The following COP1 variants were observed in gnomAD, a reference collection of about 807,000 sequenced individuals.
COP1 encodes the protein COP1 E3 ubiquitin ligase.
A neutral mutation model predicts 101.3 loss-of-function variants in COP1; 24 were observed. That is an observed-to-expected ratio of 0.24 (90% CI 0.17 to 0.33). The LOEUF (loss-of-function observed/expected upper bound fraction) is 0.33, where lower values mean the gene tolerates loss of function less well. Among genes scored for constraint, COP1 ranks in the 10% least tolerant of loss-of-function variants. The pLI is 1.00. For missense variants in COP1, 663 were observed against 906.2 expected, an observed-to-expected ratio of 0.73 and a Z score of 3.45; for synonymous variants, 347 against 341.9, an observed-to-expected ratio of 1.01 and a Z score of -0.17.
intron 9 of COP1, among the ~76,000 whole-genome samples, chr1:176,100,792 G>A (rs1035308976): frequency 1.3e-5 from 2 of 152,122 alleles, no homozygotes; most frequent in African/African-American, 4.8e-5. Context: ...TTTCTCCCTT[G>A]TTGGAGCAGG....
intron 18 of COP1, among the ~76,000 whole-genome samples, chr1:175,947,525 C>T (rs2148476641): frequency 6.6e-6 from 1 of 152,128 alleles, no homozygotes; most frequent in South Asian, 2.1e-4. Flanking sequence ...CATGCGCCAC[C>T]AGCCCAGGTA....
chr1:175,960,916 T>C (rs1296027544), intron 18 of COP1, among the ~76,000 whole-genome samples: 1 of 152,184 alleles, frequency 6.6e-6, no homozygotes, highest in Non-Finnish European at 1.5e-5. Flanking sequence ...GTGAGTCGGT[T>C]GACTGAGTGG....
intron 1 of COP1, among the ~76,000 whole-genome samples, chr1:176,206,125 A>AC (rs1269488174): frequency 1.3e-5 from 2 of 151,918 alleles, no homozygotes; most frequent in Non-Finnish European, 2.9e-5. Context: ...GACCAACTCC[A>AC]CCCCTCTGCA....
chr1:175,952,605 ACT>A (rs1263427208), intron 18 of COP1, among the ~76,000 whole-genome samples: 1 of 151,540 alleles, frequency 6.6e-6, no homozygotes, highest in African/African-American at 2.4e-5. Flanking sequence ...CTACATGAAA[ACT>A]CTGATCTAAA....
chr1:176,186,149 C>G (rs919391914), intron 1 of COP1, among the ~76,000 whole-genome samples: 1 of 152,038 alleles, frequency 6.6e-6, no homozygotes, highest in African/African-American at 2.4e-5. Context: ...ACCAACCAAT[C>G]AATTCACTGA....
chr1:176,087,956 C>T (rs954899172), intron 9 of COP1, among the ~76,000 whole-genome samples: 10 of 152,020 alleles, frequency 6.6e-5, no homozygotes, highest in Non-Finnish European at 1.0e-4. Flanking sequence ...TCCTTTGTAG[C>T]GACATGGATG....
intron 11 of COP1, among the ~76,000 whole-genome samples, chr1:176,050,348 T>C (rs1331180136): frequency 1.3e-5 from 2 of 152,214 alleles, no homozygotes; most frequent in East Asian, 3.8e-4. Context: ...CACAAAGCAA[T>C]GAAAGCCGTC....
In COP1 at chr1:176,116,660, T is replaced by C. The variant is rs780918124; in HGVS notation, c.990A>G (p.Glu330=). 6.2e-7 allele frequency: 1 copy of C among 1,611,870 alleles called. No individual in the cohort carries two copies. Among genetic ancestry groups the C allele is most frequent in the South Asian group, 1.1e-5 (1 of 90,762 alleles). The stretch of plus-strand genomic sequence containing the variant: ...CACTGAAACCTGGAGGTTGGCTGTA[T>C]TCTGTGGAATCAATAATACTACTGC... ...PSHSSIIDST[E]YSQPPGFSGS... Residue 330 remains glutamate (E), a synonymous_variant, in exon 9 of 20, where the codon GAA becomes GAG. Coordinates refer to ENST00000367669, the MANE Select transcript of COP1 (RefSeq NM_022457.7).
chr1:175,995,440 A>C (rs1659888887), intron 15 of COP1, among the ~76,000 whole-genome samples: 1 of 152,230 alleles, frequency 6.6e-6, no homozygotes, highest in Admixed American at 6.5e-5. Context: ...CCCTTCAAAA[A>C]AATTAATGAA....
At chr1:175,999,896 T>C (rs1661183198) in intron 15 of COP1, among the ~76,000 whole-genome samples, 1 of 152,152 alleles carries the variant, frequency 6.6e-6, no homozygotes, top group Admixed American at 6.6e-5. Flanking sequence ...GTTTGCCATT[T>C]ATATGTCTTC....
At chr1:176,095,763 TAA>T (rs1455501005) in intron 9 of COP1, among the ~76,000 whole-genome samples, 2 of 152,018 alleles carry the variant, frequency 1.3e-5, no homozygotes, top group Non-Finnish European at 2.9e-5. Context: ...AAGATCAGTA[TAA>T]GACTGCTGGT....
intron 8 of COP1, among the ~76,000 whole-genome samples, chr1:176,133,666 G>A (rs549651431): frequency 9.2e-5 from 14 of 151,896 alleles, no homozygotes; most frequent in East Asian, 3.9e-4. Context: ...TAAATGCACC[G>A]TACTGTCACA....
intron 14 of COP1, among the ~76,000 whole-genome samples, chr1:176,034,412 TA>T (rs1236951793): frequency 6.6e-6 from 1 of 152,092 alleles, no homozygotes. Flanking sequence ...TCTGTGTATA[TA>T]AAAAGGAGCA....
chr1:176,125,883 T>C (rs1687908630), intron 8 of COP1, among the ~76,000 whole-genome samples: 1 of 152,184 alleles, frequency 6.6e-6, no homozygotes, highest in Admixed American at 6.5e-5. Context: ...GTTTTTTGTG[T>C]CTTCTTCAAT....
intron 2 of COP1, among the ~76,000 whole-genome samples, chr1:176,176,831 A>T (rs1429307374): frequency 6.6e-6 from 1 of 152,164 alleles, no homozygotes; most frequent in Non-Finnish European, 1.5e-5. Context: ...AAAAAGACAA[A>T]AGAAAATAAT....
chr1:176,033,628 G>T lies in COP1; in HGVS notation c.1613-5940C>A, dbSNP rs139351574. ...AAAAGGAAAATATATTTCTCCAAAAGAACCTTTAAAATGACTCATAAAATT... is the reference window on the plus strand; with the variant it reads ...AAAAGGAAAATATATTTCTCCAAAATAACCTTTAAAATGACTCATAAAATT... On this transcript the variant is annotated intron_variant, in intron 14 of 19. Transcript: ENST00000367669. Among the ~76,000 whole-genome samples, 38 of 152,130 alleles carry T rather than the reference G, an allele frequency of 2.5e-4. No homozygotes were observed. The East Asian group carries it at 6.0e-3, about 24-fold the overall frequency.
intron 1 of COP1, among the ~76,000 whole-genome samples, chr1:176,186,221 G>T (rs1238989038): frequency 6.6e-6 from 1 of 151,898 alleles, no homozygotes; most frequent in Non-Finnish European, 1.5e-5. Context: ...TTTGAGAAAG[G>T]GGTATTTTAG....
intron 8 of COP1, among the ~76,000 whole-genome samples, chr1:176,119,455 A>G (rs1162852566): frequency 6.6e-6 from 1 of 152,184 alleles, no homozygotes; most frequent in East Asian, 1.9e-4. Context: ...AAAAATACTC[A>G]TCAGTTTGTT....
chr1:176,202,468 C>T (rs559883554), intron 1 of COP1, among the ~76,000 whole-genome samples: 77 of 152,078 alleles, frequency 5.1e-4, no homozygotes, highest in African/African-American at 1.8e-3. Flanking sequence ...GGATTACAGG[C>T]GTGAACCAAG....
Sources: gnomAD v4.1 joint callset for allele counts (sites outside exome capture counted in the v4.1 genomes callset) on GRCh38, gnomAD v4.1.1 for gene constraint, MANE v1.5 for transcripts, NCBI Gene and HGNC (gene_info 2026-07-23, HGNC 2026-07-21) for gene names.